The following ADARB2 variants were observed in gnomAD, a reference collection of about 807,000 sequenced individuals.
ADARB2 encodes the protein adenosine deaminase RNA specific B2 (inactive).
A neutral mutation model predicts 62.2 loss-of-function variants in ADARB2; 25 were observed. The ratio of observed to expected loss-of-function variants is 0.40; its 90% CI spans 0.29 to 0.56. The LOEUF is 0.56. Ranked by LOEUF, ADARB2 falls within the 20% of genes least tolerant of loss-of-function variation. The pLI, the probability that ADARB2 is intolerant of heterozygous loss-of-function variation, is 0.43. For missense variants in ADARB2, 1,071 were observed against 1,077.4 expected (o/e 0.99, Z 0.08); for synonymous variants, 572 against 500.8 (o/e 1.14, Z -1.90).
intron 1 of ADARB2, among the ~76,000 whole-genome samples, chr10:1,487,974 T>C (rs1831565233): frequency 6.6e-6 from 1 of 152,206 alleles, no homozygotes; most frequent in Non-Finnish European, 1.5e-5. Context: ...AGTCTTTCCA[T>C]TGTACTAATT....
chr10:1,409,279 G>T (rs1038479636), intron 1 of ADARB2, among the ~76,000 whole-genome samples: 3 of 139,720 alleles, frequency 2.1e-5, no homozygotes, highest in African/African-American at 7.6e-5. Flanking sequence ...CTGCCTGACG[G>T]CGGGCTCCCA....
At chr10:1,301,992 A>G (rs1831577532) in intron 3 of ADARB2, among the ~76,000 whole-genome samples, 1 of 152,174 alleles carries the variant, frequency 6.6e-6, no homozygotes, top group East Asian at 1.9e-4. Context: ...GGTTTGACAA[A>G]TGTATAAAAT....
At position 1,624,273 on chromosome 10, in the gene ADARB2, C is replaced by T. The variant is rs558241678; in HGVS notation, c.100+112778G>A. 1.6e-4 allele frequency among the ~76,000 whole-genome samples: 24 copies of T among 152,134 alleles called. 1 individual carries two copies. The South Asian group carries it at 5.0e-3, about 32-fold the overall frequency. On this transcript the variant is annotated intron_variant, in intron 1 of 9. Coordinates refer to ENST00000381312, the MANE Select transcript of ADARB2 (RefSeq NM_018702.4). The stretch of plus-strand genomic sequence containing the variant: ...AAAACAAAACAAAAACAAACAAAAA[C>T]CAAAGAAAAAAAGAAAGAGAATAAG...
chr10:1,373,818 G>A (rs1832396909), intron 2 of ADARB2, among the ~76,000 whole-genome samples: 1 of 148,826 alleles, frequency 6.7e-6, no homozygotes, highest in South Asian at 2.2e-4. Context: ...GAGACCGCGT[G>A]GACTCCGCGC....
chr10:1,340,045 C>T (rs1357859028), intron 3 of ADARB2, among the ~76,000 whole-genome samples: 4 of 152,168 alleles, frequency 2.6e-5, no homozygotes, highest in Admixed American at 6.5e-5. Flanking sequence ...CCTAGAGCCA[C>T]GTGGGTCCGG....
intron 1 of ADARB2, among the ~76,000 whole-genome samples, chr10:1,585,533 C>A (rs564218658): frequency 2.6e-4 from 39 of 152,260 alleles, no homozygotes; most frequent in African/African-American, 9.4e-4. Flanking sequence ...GCTTATGTAA[C>A]AATGCAGAGT....
chr10:1,611,034 C>T (rs115557324), intron 1 of ADARB2, among the ~76,000 whole-genome samples: 36 of 152,270 alleles, frequency 2.4e-4, no homozygotes, highest in African/African-American at 8.4e-4. Context: ...ACGACATCAA[C>T]GTTACAAGCC....
At chr10:1,575,946 C>T (rs111798124) in intron 1 of ADARB2, among the ~76,000 whole-genome samples, 3,708 of 36,774 alleles carry the variant, frequency 0.1, 72 homozygotes, top group Middle Eastern at 0.17. Context: ...GAGCACAAAG[C>T]GCATGGGAGG....
intron 1 of ADARB2, among the ~76,000 whole-genome samples, chr10:1,414,556 T>C (rs528806845): frequency 1.3e-5 from 2 of 152,310 alleles, no homozygotes; most frequent in Non-Finnish European, 2.9e-5. Context: ...GCAGAGCAAA[T>C]GCTAAACTGT....
intron 1 of ADARB2, among the ~76,000 whole-genome samples, chr10:1,668,968 C>G (rs1428835020): frequency 1.3e-5 from 2 of 152,202 alleles, no homozygotes; most frequent in African/African-American, 4.8e-5. Context: ...AGTGCAGTAG[C>G]TAGTTTATTT....
At chr10:1,721,401 C>T (rs1420483600) in intron 1 of ADARB2, among the ~76,000 whole-genome samples, 2 of 152,272 alleles carry the variant, frequency 1.3e-5, no homozygotes, top group African/African-American at 2.4e-5. Flanking sequence ...ACCTTACTGT[C>T]AGCGTGTTTT....
intron 1 of ADARB2, among the ~76,000 whole-genome samples, chr10:1,432,465 A>C (rs1315594989): frequency 6.6e-6 from 1 of 151,612 alleles, no homozygotes; most frequent in Non-Finnish European, 1.5e-5. Context: ...CTTCCATTTC[A>C]TGAAGTCTCA....
intron 6 of ADARB2, among the ~76,000 whole-genome samples, chr10:1,224,056 G>C (rs1830721420): frequency 6.6e-6 from 1 of 152,160 alleles, no homozygotes; most frequent in African/African-American, 2.4e-5. Context: ...TCTGGTCCTG[G>C]ACTTTTTTTG....
intron 1 of ADARB2, among the ~76,000 whole-genome samples, chr10:1,672,690 T>C (rs374797214): frequency 0.05 from 3,424 of 67,968 alleles, 10 homozygotes; most frequent in South Asian, 0.075. Context: ...GCACTTCCCT[T>C]TCCTCCTTCC....
At chr10:1,328,219 C>T (rs139905930) in intron 3 of ADARB2, among the ~76,000 whole-genome samples, 1,855 of 152,276 alleles carry the variant, frequency 0.012, 46 homozygotes, top group African/African-American at 0.042. Context: ...GCGATTGTGG[C>T]GGCACAGGGA....
intron 1 of ADARB2, among the ~76,000 whole-genome samples, chr10:1,427,272 T>G (rs1217703034): frequency 6.6e-6 from 1 of 152,232 alleles, no homozygotes; most frequent in African/African-American, 2.4e-5. Flanking sequence ...CAGAAGACTC[T>G]GTTAAGAGGG....
intron 1 of ADARB2, among the ~76,000 whole-genome samples, chr10:1,710,003 AG>A (rs990371343): frequency 2.0e-5 from 3 of 152,194 alleles, no homozygotes; most frequent in African/African-American, 7.2e-5. Context: ...CTCTCCTGAG[AG>A]CACAGTCCCC....
chr10:1,568,425 C>A (rs1033005950), intron 1 of ADARB2, among the ~76,000 whole-genome samples: 1 of 152,176 alleles, frequency 6.6e-6, no homozygotes, highest in African/African-American at 2.4e-5. Context: ...ACTGGCTCCC[C>A]GCAACCAAAC....
chr10:1,392,228 C>T (rs1317426185), intron 1 of ADARB2, among the ~76,000 whole-genome samples: 1 of 152,180 alleles, frequency 6.6e-6, no homozygotes, highest in Non-Finnish European at 1.5e-5. Context: ...GTCCATTCCA[C>T]ATCTTGCAAA....
Sources: allele counts gnomAD v4.1 joint callset (sites outside exome capture counted in the v4.1 genomes callset), GRCh38; gene constraint gnomAD v4.1.1; transcripts MANE v1.5; gene names NCBI Gene and HGNC (gene_info 2026-07-23, HGNC 2026-07-21).